Variants in GRK5 observed in about 807,000 individuals in gnomAD.
The protein encoded by GRK5 is g protein-coupled receptor kinase GRK5.
Under a neutral mutation model 78.4 loss-of-function variants are expected in GRK5, and 40 were observed. The observed-to-expected ratio is 0.51, with a 90% CI of 0.40 to 0.66. The LOEUF is 0.66. GRK5 is among the 30% of genes least tolerant of loss of function. GRK5 has a pLI of 0.00. For missense variants in GRK5, 598 were observed against 759.9 expected, an observed-to-expected ratio of 0.79 and a Z score of 2.50; for synonymous variants, 289 against 296.8, an observed-to-expected ratio of 0.97 and a Z score of 0.27.
At position 119,238,606 on chromosome 10, in the gene GRK5, T is replaced by G. The variant is rs1421225949; in HGVS notation, c.52+30637T>G. ...GAAAACACCCGCCTTCTCTTAGACA[T>G]GTAGGGTTCGCGCCGTTGACCTGAG... On this transcript the variant is annotated intron_variant, in intron 1 of 15. Transcript: ENST00000392870. The surrounding 1 kb of genome is among the most constrained non-coding windows in gnomAD (Gnocchi z 4.7). 6.6e-6 allele frequency among the ~76,000 whole-genome samples: 1 copy of G among 152,156 alleles called. No homozygotes were observed. Among genetic ancestry groups the G allele is most frequent in the Non-Finnish European group, 1.5e-5 (1 of 68,028 alleles).
At chr10:119,278,808 C>T (rs1375949614) in intron 1 of GRK5, among the ~76,000 whole-genome samples, 5 of 152,154 alleles carry the variant, frequency 3.3e-5, no homozygotes, top group East Asian at 1.9e-4. Flanking sequence ...AGGAGATGGC[C>T]GCCCCCTTGC....
At chr10:119,357,296 G>T (rs774566986) in intron 2 of GRK5, among the ~76,000 whole-genome samples, 1 of 152,222 alleles carries the variant, frequency 6.6e-6, no homozygotes, top group African/African-American at 2.4e-5. Context: ...CCTTGCTCTA[G>T]GCAAATTCCC....
At chr10:119,344,888 TC>T (rs1172279326) in intron 2 of GRK5, among the ~76,000 whole-genome samples, 196 of 125,346 alleles carry the variant, frequency 1.6e-3, no homozygotes, top group African/African-American at 6.1e-3. Context: ...CTTCCTTCCT[TC>T]CTTCCTTCCT....
intron 1 of GRK5, among the ~76,000 whole-genome samples, chr10:119,244,635 G>A (rs1436343713): frequency 6.6e-6 from 1 of 152,228 alleles, no homozygotes; most frequent in Non-Finnish European, 1.5e-5. Context: ...ACAGGAGGCT[G>A]AGGTGGGAGG....
intron 1 of GRK5, among the ~76,000 whole-genome samples, chr10:119,229,740 G>A (rs1848796295): frequency 6.6e-6 from 1 of 152,192 alleles, no homozygotes; most frequent in Admixed American, 6.5e-5. Context: ...TCAGAGAAGT[G>A]GTCTTGAGCT....
chr10:119,442,920 G>A (rs1853067430), intron 11 of GRK5, among the ~76,000 whole-genome samples: 2 of 152,298 alleles, frequency 1.3e-5, no homozygotes, highest in Non-Finnish European at 2.9e-5. Context: ...TTGGATGGAT[G>A]ATGGATGATG....
Position 119,430,271 on chromosome 10 carries a change from C to G in GRK5, c.534-104C>G. 2.1e-6 allele frequency: 2 copies of G among 973,846 alleles called. No homozygotes were observed. The highest frequency in any genetic ancestry group is 3.3e-6 in the Non-Finnish European group (2 of 609,068). 60.3% of individuals were successfully genotyped at this position (973,846 alleles called of 1,614,324 possible). ...GGGTCCCTGGGGCTGCTGTGGGGCT[C>G]CTGGAATTATACCCCACCCCAGCTG... is the stretch of plus-strand genomic sequence containing the variant. On this transcript the variant is annotated intron_variant, in intron 6 of 15. Transcript: ENST00000392870. The surrounding 1 kb of genome is among the most constrained non-coding windows in gnomAD (Gnocchi z 4.5).
At chr10:119,444,811 T>G (rs1220217506) in intron 12 of GRK5, among the ~76,000 whole-genome samples, 1 of 152,224 alleles carries the variant, frequency 6.6e-6, no homozygotes, top group African/African-American at 2.4e-5. Flanking sequence ...CAGGCACTTT[T>G]GGGGCAGATT....
chr10:119,250,517 A>ATTTTT (rs5788333), intron 1 of GRK5, among the ~76,000 whole-genome samples: 1 of 136,032 alleles, frequency 7.4e-6, no homozygotes, highest in Non-Finnish European at 1.5e-5. Context: ...CCTCATTTAA[A>ATTTTT]TTTTTTTTTT....
At chr10:119,344,872 CCCTTCCTTCCTTCCTTCCTT>C (rs545170705) in intron 2 of GRK5, among the ~76,000 whole-genome samples, 1,145 of 73,718 alleles carry the variant, frequency 0.016, 22 homozygotes, top group African/African-American at 0.051. Flanking sequence ...ACAAGACCCA[CCCTTCCTTCCTTCCTTCCTT>C]CCTTCCTTCC....
At chr10:119,348,378 G>C (rs757101798) in intron 2 of GRK5, among the ~76,000 whole-genome samples, 3 of 152,166 alleles carry the variant, frequency 2.0e-5, no homozygotes, top group Non-Finnish European at 2.9e-5. Context: ...GCTGTGGATC[G>C]TTTTGGGAAG....
At chr10:119,246,333 A>G (rs1849112317) in intron 1 of GRK5, among the ~76,000 whole-genome samples, 1 of 152,200 alleles carries the variant, frequency 6.6e-6, no homozygotes, top group South Asian at 2.1e-4. Context: ...AATAATGACA[A>G]GAAAAAAGTC....
chr10:119,361,214 G>A (rs984009462), intron 2 of GRK5, among the ~76,000 whole-genome samples: 6 of 152,232 alleles, frequency 3.9e-5, no homozygotes, highest in African/African-American at 7.2e-5. Flanking sequence ...AGAGAATGGC[G>A]CATCAGAGGT....
chr10:119,405,009 A>G (rs1852210187), intron 4 of GRK5, among the ~76,000 whole-genome samples: 1 of 152,118 alleles, frequency 6.6e-6, no homozygotes, highest in Non-Finnish European at 1.5e-5. Context: ...GGCTCATTTT[A>G]ATTGGGCCGG....
At chr10:119,347,218 A>ATG (rs746293301) in intron 2 of GRK5, among the ~76,000 whole-genome samples, 4 of 151,904 alleles carry the variant, frequency 2.6e-5, no homozygotes, top group African/African-American at 4.8e-5. Flanking sequence ...TATTTCATGT[A>ATG]TGTGTGTGTG....
At chr10:119,252,503 A>T (rs562179117) in intron 1 of GRK5, among the ~76,000 whole-genome samples, 2 of 152,226 alleles carry the variant, frequency 1.3e-5, no homozygotes, top group South Asian at 4.2e-4. Flanking sequence ...GAGGCGGGGA[A>T]GGGCACTGGA....
intron 1 of GRK5, among the ~76,000 whole-genome samples, chr10:119,280,552 A>G (rs1849746109): frequency 6.6e-6 from 1 of 151,712 alleles, no homozygotes; most frequent in Admixed American, 6.6e-5. Context: ...TTATTCTTTT[A>G]TTGTTATTTT....
chr10:119,434,373 G>T (rs548515334), intron 8 of GRK5, among the ~76,000 whole-genome samples: 4 of 152,184 alleles, frequency 2.6e-5, no homozygotes, highest in Non-Finnish European at 1.5e-5. Flanking sequence ...AGTCCTTTCC[G>T]CCTACGAGCC....
chr10:119,420,188 G>C (rs1852540367), intron 4 of GRK5, among the ~76,000 whole-genome samples: 1 of 152,164 alleles, frequency 6.6e-6, no homozygotes, highest in Non-Finnish European at 1.5e-5. Flanking sequence ...ATGATTCAGT[G>C]AATTAATGAA....
Sources: gnomAD v4.1 joint callset for allele counts (sites outside exome capture counted in the v4.1 genomes callset) on GRCh38, gnomAD v4.1.1 for gene constraint, Gnocchi (gnomAD v3.1) non-coding constraint, MANE v1.5 for transcripts, NCBI Gene and HGNC (gene_info 2026-07-23, HGNC 2026-07-21) for gene names.